Variants in GMDS observed in about 807,000 individuals in gnomAD.
The protein encoded by GMDS is GDP-mannose 4,6 dehydratase.
GMDS carries 20 observed loss-of-function variants against 49.9 expected under a neutral mutation model. That is an observed-to-expected ratio of 0.40 (90% confidence interval 0.28 to 0.58). The LOEUF (loss-of-function observed/expected upper bound fraction) is 0.58, where lower values mean the gene tolerates loss of function less well. Among genes scored for constraint, GMDS ranks in the 20% least tolerant of loss-of-function variants. The pLI, the probability that GMDS is intolerant of heterozygous loss-of-function variation, is 0.42. For missense variants in GMDS, 362 were observed against 481.4 expected, an observed-to-expected ratio of 0.75 and a Z score of 2.32; for synonymous variants, 177 against 178.6, an observed-to-expected ratio of 0.99 and a Z score of 0.07.
At chr6:1,780,319 C>A (rs1201861783) in intron 7 of GMDS, among the ~76,000 whole-genome samples, 1 of 152,174 alleles carries the variant, frequency 6.6e-6, no homozygotes, top group Non-Finnish European at 1.5e-5. Flanking sequence ...CATGTAGTGC[C>A]ACAGAGATTC....
chr6:1,727,555 G>A (rs1224924360), intron 8 of GMDS, among the ~76,000 whole-genome samples: 1 of 152,060 alleles, frequency 6.6e-6, no homozygotes, highest in East Asian at 1.9e-4. Context: ...GTGTGCTCTC[G>A]GGGTCAGAGT....
chr6:1,678,600 T>G (rs1051707033), intron 9 of GMDS, among the ~76,000 whole-genome samples: 1 of 152,000 alleles, frequency 6.6e-6, no homozygotes, highest in East Asian at 1.9e-4. Context: ...TCTCCTCAAC[T>G]AAATGCAACT....
At chr6:2,008,168 C>A (rs767888237) in intron 4 of GMDS, among the ~76,000 whole-genome samples, 6 of 152,174 alleles carry the variant, frequency 3.9e-5, no homozygotes, top group Non-Finnish European at 7.3e-5. Context: ...AAAATCATAT[C>A]TTTCTCATCA....
intron 1 of GMDS, among the ~76,000 whole-genome samples, chr6:2,129,833 T>A (rs564620056): frequency 6.6e-6 from 1 of 152,198 alleles, no homozygotes; most frequent in South Asian, 2.1e-4. Context: ...CAGAATATAA[T>A]AGAAAGGTGT....
At chr6:1,837,754 G>T (rs1246592885) in intron 7 of GMDS, among the ~76,000 whole-genome samples, 1 of 152,150 alleles carries the variant, frequency 6.6e-6, no homozygotes, top group Non-Finnish European at 1.5e-5. Context: ...CCTGCTGGGA[G>T]TTCCTTCCCC....
intron 1 of GMDS, among the ~76,000 whole-genome samples, chr6:2,155,999 C>A (rs1215857616): frequency 6.6e-6 from 1 of 151,800 alleles, no homozygotes; most frequent in Non-Finnish European, 1.5e-5. Context: ...TTGTTTTTTA[C>A]ATTTATTAGA....
chr6:1,725,559 G>C (rs576823420), intron 9 of GMDS, among the ~76,000 whole-genome samples: 1 of 151,958 alleles, frequency 6.6e-6, no homozygotes, highest in Non-Finnish European at 1.5e-5. Flanking sequence ...TCAGCCTCCC[G>C]AGTAGTGGGG....
chr6:2,032,550 T>C (rs1478341759), intron 4 of GMDS, among the ~76,000 whole-genome samples: 2 of 152,168 alleles, frequency 1.3e-5, no homozygotes, highest in South Asian at 2.1e-4. Context: ...AATCCATTCA[T>C]TTATTAAATA....
At chr6:1,862,494 A>G (rs1479350070) in intron 7 of GMDS, among the ~76,000 whole-genome samples, 3 of 152,242 alleles carry the variant, frequency 2.0e-5, no homozygotes, top group Non-Finnish European at 4.4e-5. Flanking sequence ...TGCTGAATAT[A>G]CCAAGTGTGT....
intron 7 of GMDS, among the ~76,000 whole-genome samples, chr6:1,868,986 A>G (rs1435533891): frequency 1.3e-5 from 2 of 152,254 alleles, no homozygotes; most frequent in Non-Finnish European, 2.9e-5. Flanking sequence ...AATAAAGTGC[A>G]AAAGAAATAT....
intron 7 of GMDS, among the ~76,000 whole-genome samples, chr6:1,847,489 A>G (rs1033304463): frequency 6.6e-6 from 1 of 152,316 alleles, no homozygotes; most frequent in East Asian, 1.9e-4. Context: ...GGTTTTAAAT[A>G]CCATCACCTC....
At chr6:1,929,284 G>A (rs1762173324) in intron 7 of GMDS, among the ~76,000 whole-genome samples, 1 of 152,186 alleles carries the variant, frequency 6.6e-6, no homozygotes, top group South Asian at 2.1e-4. Flanking sequence ...ATGAGCACAG[G>A]AAATCTGTGA....
intron 7 of GMDS, among the ~76,000 whole-genome samples, chr6:1,768,581 C>T (rs568011108): frequency 2.0e-5 from 3 of 152,242 alleles, no homozygotes; most frequent in Admixed American, 2.0e-4. Flanking sequence ...GGTTGAGTAC[C>T]CCAATCCAAA....
intron 4 of GMDS, among the ~76,000 whole-genome samples, chr6:2,109,067 G>A (rs186366737): frequency 6.6e-6 from 1 of 152,146 alleles, no homozygotes; most frequent in Non-Finnish European, 1.5e-5. Context: ...CAAATGACAG[G>A]CCTCAGTCCC....
chr6:1,798,525 G>A (rs1010300905), intron 7 of GMDS, among the ~76,000 whole-genome samples: 3 of 152,126 alleles, frequency 2.0e-5, no homozygotes, highest in Non-Finnish European at 4.4e-5. Flanking sequence ...AGGCTTTCTC[G>A]TAGCTGGAAT....
At chr6:2,218,374 T>A (rs1016091096) in intron 1 of GMDS, among the ~76,000 whole-genome samples, 4 of 152,276 alleles carry the variant, frequency 2.6e-5, no homozygotes, top group South Asian at 4.1e-4. Context: ...AGAAATTGCC[T>A]CCCTTCTAAG....
In GMDS at chr6:1,896,048, T is replaced by C. The variant is rs186133173; in HGVS notation, c.771+34055A>G. Among the ~76,000 whole-genome samples, 162 of 152,224 alleles carry C rather than the reference T, an allele frequency of 1.1e-3. 1 individual carries two copies. The highest frequency in any genetic ancestry group is 3.7e-3 in the African/African-American group (152 of 41,548). On this transcript the variant is annotated intron_variant, in intron 7 of 10. Transcript: ENST00000380815. ...TGGAAAAGGAAAAAGAGGAATTTCC[T>C]AAGGGCTCCAATAAAGGCACAAGCA...
chr6:2,039,400 C>A (rs957961318), intron 4 of GMDS, among the ~76,000 whole-genome samples: 1 of 152,008 alleles, frequency 6.6e-6, no homozygotes, highest in African/African-American at 2.4e-5. Flanking sequence ...ATATTAAAGT[C>A]ACAAAAATAT....
chr6:2,165,919 A>G (rs1777645747), intron 1 of GMDS, among the ~76,000 whole-genome samples: 1 of 152,232 alleles, frequency 6.6e-6, no homozygotes, highest in Non-Finnish European at 1.5e-5. Flanking sequence ...GTTGAACAGT[A>G]GACTTGACAA....
Sources: allele counts gnomAD v4.1 joint callset (sites outside exome capture counted in the v4.1 genomes callset), GRCh38; gene constraint gnomAD v4.1.1; transcripts MANE v1.5; gene names NCBI Gene and HGNC (gene_info 2026-07-23, HGNC 2026-07-21).